GPC5: variants seen among roughly 807,000 people sequenced by gnomAD.
GPC5 encodes glypican-5.
Under a neutral mutation model 53.9 loss-of-function variants are expected in GPC5, and 47 were observed. That is an observed-to-expected ratio of 0.87 (90% CI 0.69 to 1.11). The LOEUF is 1.11. GPC5 is among the 50% of genes most tolerant of loss of function. The pLI is 0.00. For synonymous variants in GPC5, 286 were observed against 263.3 expected, an observed-to-expected ratio of 1.09 and a Z score of -0.84; for missense variants, 748 against 713.1, an observed-to-expected ratio of 1.05 and a Z score of -0.56.
intron 6 of GPC5, among the ~76,000 whole-genome samples, chr13:91,990,399 G>C (rs2138733344): frequency 6.6e-6 from 1 of 151,980 alleles, no homozygotes; most frequent in East Asian, 1.9e-4. Context: ...TACAGGGGTG[G>C]CTGTGAGGAC....
At chr13:91,416,842 A>G (rs913708025) in intron 1 of GPC5, among the ~76,000 whole-genome samples, 2 of 152,158 alleles carry the variant, frequency 1.3e-5, no homozygotes, top group African/African-American at 2.4e-5. Flanking sequence ...TTCTTAATCC[A>G]GTCTATCATT....
At chr13:92,006,734 AAGAG>A (rs754270899) in intron 6 of GPC5, among the ~76,000 whole-genome samples, 17 of 152,244 alleles carry the variant, frequency 1.1e-4, no homozygotes, top group East Asian at 3.9e-4. Flanking sequence ...TATGAAAATG[AAGAG>A]AGAGAGACAC....
At chr13:92,486,147 T>A (rs1202176572) in intron 7 of GPC5, among the ~76,000 whole-genome samples, 1 of 152,138 alleles carries the variant, frequency 6.6e-6, no homozygotes, top group Non-Finnish European at 1.5e-5. Context: ...CTTCAATGTC[T>A]TTTTTACACT....
chr13:91,516,489 T>A (rs1885505855), intron 2 of GPC5, among the ~76,000 whole-genome samples: 1 of 152,202 alleles, frequency 6.6e-6, no homozygotes, highest in Non-Finnish European at 1.5e-5. Flanking sequence ...GTTTCCATGG[T>A]CTTGGACAGC....
intron 3 of GPC5, among the ~76,000 whole-genome samples, chr13:91,694,706 G>A (rs1413802770): frequency 1.3e-5 from 2 of 152,154 alleles, no homozygotes; most frequent in East Asian, 3.9e-4. Flanking sequence ...ACTCTCCAGT[G>A]CCAACAAAAG....
At chr13:92,849,260 C>G (rs1240333978) in intron 7 of GPC5, among the ~76,000 whole-genome samples, 1 of 152,012 alleles carries the variant, frequency 6.6e-6, no homozygotes, top group East Asian at 2.0e-4. Context: ...ATGACTGTCT[C>G]TCTGTATTTT....
At chr13:92,643,284 C>T (rs569046816) in intron 7 of GPC5, among the ~76,000 whole-genome samples, 1 of 152,262 alleles carries the variant, frequency 6.6e-6, no homozygotes, top group South Asian at 2.1e-4. Flanking sequence ...GTGTTTTGGA[C>T]ATGAAGTCCT....
chr13:92,162,776 C>A (rs937139279), intron 7 of GPC5, among the ~76,000 whole-genome samples: 3 of 152,132 alleles, frequency 2.0e-5, no homozygotes, highest in African/African-American at 7.2e-5. Context: ...TCACAGAAAT[C>A]CAGACAAATA....
chr13:92,098,650 A>T (rs9523508), intron 6 of GPC5, among the ~76,000 whole-genome samples: 81,524 of 152,014 alleles, frequency 0.54, 22,249 homozygotes, highest in East Asian at 0.79. Flanking sequence ...AGCAAAGGGG[A>T]ATTCAGCTTT....
chr13:92,125,923 GGT>G lies in GPC5; in HGVS notation c.1402-18906_1402-18905del, dbSNP rs1566446344. ...ATTAGAAAGGAAACATTTGTTTTTT[GGT>G]TTTTTTTTTTTTTTTTTTTTTTTTT... On this transcript the variant is annotated intron_variant, in intron 6 of 7. Transcript: ENST00000377067. Among the ~76,000 whole-genome samples the G allele has an allele frequency of 1.6e-3, 66 of 41,548 alleles. 11 individuals carry two copies. Among genetic ancestry groups the G allele is most frequent in the East Asian group, 6.3e-3 (3 of 474 alleles). 27.3% of individuals were successfully genotyped at this position (41,548 alleles called of 152,430 possible).
At chr13:91,896,141 G>T (rs1440923827) in intron 5 of GPC5, among the ~76,000 whole-genome samples, 2 of 134,452 alleles carry the variant, frequency 1.5e-5, no homozygotes, top group Admixed American at 7.4e-5. Context: ...TTTTTTTGAG[G>T]CAGAGTCTCG....
chr13:91,458,208 G>C (rs78313617), intron 2 of GPC5, among the ~76,000 whole-genome samples: 8,631 of 152,158 alleles, frequency 0.057, 367 homozygotes, highest in Non-Finnish European at 0.087. Flanking sequence ...GGCCTCAGCT[G>C]TCAGAGGAAT....
intron 6 of GPC5, among the ~76,000 whole-genome samples, chr13:92,072,841 G>T (rs2041224297): frequency 6.6e-6 from 1 of 152,112 alleles, no homozygotes; most frequent in African/African-American, 2.4e-5. Flanking sequence ...AAAGTGCTGG[G>T]ATTACAGGCA....
intron 7 of GPC5, among the ~76,000 whole-genome samples, chr13:92,600,243 T>C (rs1464024539): frequency 2.0e-5 from 3 of 152,226 alleles, no homozygotes; most frequent in Non-Finnish European, 1.5e-5. Flanking sequence ...TTTAGTGAAG[T>C]ATGGATATAT....
intron 7 of GPC5, among the ~76,000 whole-genome samples, chr13:92,651,073 A>G (rs1218716087): frequency 2.0e-5 from 3 of 152,068 alleles, no homozygotes; most frequent in Non-Finnish European, 2.9e-5. Flanking sequence ...CCTGCAAAGG[A>G]CATGATCTCA....
intron 7 of GPC5, among the ~76,000 whole-genome samples, chr13:92,267,965 A>G (rs1395710425): frequency 2.0e-5 from 3 of 152,124 alleles, no homozygotes; most frequent in East Asian, 3.9e-4. Context: ...TTAGTCTAAT[A>G]GTGCCAAAGA....
chr13:92,816,366 A>G (rs1363506612), intron 7 of GPC5, among the ~76,000 whole-genome samples: 1 of 152,052 alleles, frequency 6.6e-6, no homozygotes, highest in Non-Finnish European at 1.5e-5. Context: ...ATTGTCTATA[A>G]ATTACAATAA....
At chr13:92,081,258 T>C (rs1023642508) in intron 6 of GPC5, among the ~76,000 whole-genome samples, 2 of 152,034 alleles carry the variant, frequency 1.3e-5, no homozygotes, top group Non-Finnish European at 2.9e-5. Context: ...CGCAGCACCA[T>C]ACCTGGCTAA....
At chr13:92,257,988 A>C (rs1163661770) in intron 7 of GPC5, among the ~76,000 whole-genome samples, 1 of 152,190 alleles carries the variant, frequency 6.6e-6, no homozygotes, top group Non-Finnish European at 1.5e-5. Context: ...TTAAAAAGTA[A>C]TTTGTTTTAG....
Sources: allele counts gnomAD v4.1 joint callset (sites outside exome capture counted in the v4.1 genomes callset), GRCh38; gene constraint gnomAD v4.1.1; transcripts MANE v1.5; gene names NCBI Gene and HGNC (gene_info 2026-07-23, HGNC 2026-07-21).